Variants in PCDHAC1 observed in about 807,000 individuals in gnomAD.
PCDHAC1 encodes protocadherin alpha subfamily C, 1.
A neutral mutation model predicts 60.0 loss-of-function variants in PCDHAC1; 42 were observed. The ratio of observed to expected loss-of-function variants is 0.70; its 90% confidence interval spans 0.55 to 0.90. The LOEUF (loss-of-function observed/expected upper bound fraction) is 0.90, where lower values mean the gene tolerates loss of function less well. Among genes scored for constraint, PCDHAC1 ranks in the 40% least tolerant of loss-of-function variants. The pLI, the probability that PCDHAC1 is intolerant of heterozygous loss-of-function variation, is 0.00. For synonymous variants in PCDHAC1, 468 were observed against 499.3 expected (o/e 0.94, Z 0.84); for missense variants, 1,160 against 1,222.3 (o/e 0.95, Z 0.76).
intron 1 of PCDHAC1, among the ~76,000 whole-genome samples, chr5:140,943,423 T>C (rs782562871): frequency 5.3e-5 from 8 of 152,080 alleles, no homozygotes; most frequent in Non-Finnish European, 7.4e-5. Context: ...GGCAAGGGCT[T>C]TAATATGATA....
chr5:141,001,693 G>A (rs1554258280), intron 3 of PCDHAC1, among the ~76,000 whole-genome samples: 1 of 152,122 alleles, frequency 6.6e-6, no homozygotes, highest in Admixed American at 6.5e-5. Context: ...CCCACAGATG[G>A]CGAAATAGGG....
At chr5:141,000,412 TATATATA>T (rs1563651366) in intron 3 of PCDHAC1, among the ~76,000 whole-genome samples, 7 of 102,770 alleles carry the variant, frequency 6.8e-5, no homozygotes, top group African/African-American at 2.7e-4. Context: ...TATATATATA[TATATATA>T]TATTTTTTTT....
In PCDHAC1 at chr5:140,926,870, G is replaced by A; in HGVS notation, c.-23G>A. 1 of 1,524,514 alleles carries A rather than the reference G, an allele frequency of 6.6e-7. No individual in the cohort carries two copies. The highest frequency in any genetic ancestry group is 1.3e-5 in the South Asian group (1 of 76,462). 94.4% of individuals were successfully genotyped at this position (1,524,514 alleles called of 1,614,324 possible). A position where few individuals can be genotyped will look rare whatever the true frequency, so the allele number is the denominator to read the frequency against. ...TCACCGTTGGTGTAGCGTGTTGGTG[G>A]AACGTGGACGCCTAGAGGGAGGATG... On this transcript the variant is annotated 5_prime_UTR_variant, in exon 1 of 4. Coordinates refer to ENST00000253807, the MANE Select transcript of PCDHAC1 (RefSeq NM_018898.5).
chr5:140,981,687 A>T (rs1283182396), intron 2 of PCDHAC1, among the ~76,000 whole-genome samples: 1 of 151,972 alleles, frequency 6.6e-6, no homozygotes, highest in Non-Finnish European at 1.5e-5. Flanking sequence ...CCTCCCTTCC[A>T]TCATTCATTC....
Position 140,927,756 on chromosome 5 carries a change from T to G in PCDHAC1, c.864T>G (p.Pro288=), listed in dbSNP as rs782307164. 2 of 1,614,012 alleles carry G rather than the reference T, an allele frequency of 1.2e-6. No homozygotes were observed. Among genetic ancestry groups the G allele is most frequent in the South Asian group, 1.1e-5 (1 of 91,084 alleles). The change falls in exon 1 of 4, where the codon CCT becomes CCG. Residue 288 remains proline, a synonymous_variant. Coordinates refer to ENST00000253807, the MANE Select transcript of PCDHAC1 (RefSeq NM_018898.5). The part of the protein sequence containing the change: ...AELRHRFHVH[P]KSGEVQVAAS... ...TGCGACACCGCTTTCACGTGCACCC[T>G]AAAAGTGGGGAGGTGCAAGTAGCTG...
chr5:141,006,126 G>T (rs1554260581), intron 3 of PCDHAC1, among the ~76,000 whole-genome samples: 1 of 151,330 alleles, frequency 6.6e-6, no homozygotes. Flanking sequence ...TTTTCTCAAG[G>T]CAGTAGAAAG....
chr5:140,954,091 A>G (rs1055518318), intron 1 of PCDHAC1, among the ~76,000 whole-genome samples: 1 of 152,204 alleles, frequency 6.6e-6, no homozygotes, highest in African/African-American at 2.4e-5. Flanking sequence ...AGCTCCATCC[A>G]TGTCCCTGCA....
Position 140,949,361 on chromosome 5 carries a change from G to C in PCDHAC1, c.2433+20036G>C, listed in dbSNP as rs150004166. 4.9e-3 allele frequency among the ~76,000 whole-genome samples: 749 copies of C among 151,546 alleles called. 8 individuals are homozygous for C. The highest frequency in any genetic ancestry group is 0.017 in the African/African-American group (722 of 41,420). On this transcript the variant is annotated intron_variant, in intron 1 of 3. Coordinates refer to ENST00000253807, the MANE Select transcript of PCDHAC1 (RefSeq NM_018898.5). ...AGATTTTCTGTGTCTTTATTTTTTT[G>C]TCTAGTTGTCCTATCAATTGCTCAG...
chr5:140,950,685 A>T (rs947460709), intron 1 of PCDHAC1, among the ~76,000 whole-genome samples: 3 of 152,082 alleles, frequency 2.0e-5, no homozygotes, highest in Non-Finnish European at 4.4e-5. Context: ...GTATATTGTT[A>T]ACCAAATTTG....
chr5:140,936,547 A>G (rs1554211059), intron 1 of PCDHAC1, among the ~76,000 whole-genome samples: 1 of 152,240 alleles, frequency 6.6e-6, no homozygotes, highest in East Asian at 1.9e-4. Context: ...AGTGCAATGT[A>G]GAAGTCAAGA....
chr5:140,941,701 C>T (rs1312324595), intron 1 of PCDHAC1, among the ~76,000 whole-genome samples: 3 of 152,142 alleles, frequency 2.0e-5, no homozygotes, highest in Non-Finnish European at 4.4e-5. Context: ...TTGGGCTTAG[C>T]TTTCCTCCAC....
At chr5:141,001,097 T>TC (rs1554257999) in intron 3 of PCDHAC1, among the ~76,000 whole-genome samples, 1 of 152,114 alleles carries the variant, frequency 6.6e-6, no homozygotes, top group Non-Finnish European at 1.5e-5. Flanking sequence ...AACTGTCTAA[T>TC]CCATAATAAG....
At chr5:140,975,364 C>G (rs2096664243) in intron 1 of PCDHAC1, among the ~76,000 whole-genome samples, 1 of 152,204 alleles carries the variant, frequency 6.6e-6, no homozygotes, top group South Asian at 2.1e-4. Flanking sequence ...TGCTACATAG[C>G]ATAATGTAAT....
chr5:140,933,539 G>A (rs1173969458), intron 1 of PCDHAC1, among the ~76,000 whole-genome samples: 1 of 152,018 alleles, frequency 6.6e-6, no homozygotes, highest in Non-Finnish European at 1.5e-5. Flanking sequence ...TCAAAATAAT[G>A]TTAATATAAA....
At chr5:140,964,262 A>C (rs1327933465) in intron 1 of PCDHAC1, among the ~76,000 whole-genome samples, 1 of 152,206 alleles carries the variant, frequency 6.6e-6, no homozygotes, top group Non-Finnish European at 1.5e-5. Context: ...TTGACTCCTT[A>C]ATAATTAAGG....
intron 1 of PCDHAC1, among the ~76,000 whole-genome samples, chr5:140,931,054 G>A (rs2087273007): frequency 6.6e-6 from 1 of 152,180 alleles, no homozygotes; most frequent in Admixed American, 6.5e-5. Context: ...CTTCAATGCT[G>A]TGTCTGGGAC....
rs2085098556 is a variant in PCDHAC1 at position 140,928,277 on chromosome 5, C to A, written c.1385C>A (p.Ala462Asp). ...GTTGCTGAAAACAATGGCCCTGGGG[C>A]CTCTCTAGGCCGAGTGTTTGCCCAG... Reference protein sequence around the residue: ...LFVAENNGPGASLGRVFAQDP... With the variant: ...LFVAENNGPGDSLGRVFAQDP... The change falls in exon 1 of 4, where the codon GCC becomes GAC. Residue 462 changes from alanine to aspartate, a missense_variant. Ala to Asp is a moderately radical substitution (Grantham distance 126). Around this residue, in one of 3 missense-constraint regions of PCDHAC1, gnomAD observed 1,113 missense variants for 1,163.7 expected, o/e 0.96. Transcript: ENST00000253807. The A allele has an allele frequency of 1.2e-6, 2 of 1,614,156 alleles. No individual in the cohort carries two copies. Among genetic ancestry groups the A allele is most frequent in the South Asian group, 2.2e-5 (2 of 91,084 alleles).
intron 1 of PCDHAC1, chr5:140,967,711 G>C (rs557842321): frequency 6.2e-7 from 1 of 1,614,168 alleles, no homozygotes; most frequent in East Asian, 2.2e-5. Context: ...CCAGTACCGG[G>C]GAAGTGCGAG....
rs782325875 is a variant in PCDHAC1, at chr5:140,979,026, A to T, written c.2492+19A>T. The T allele has an allele frequency of 6.2e-7, 1 of 1,613,490 alleles. No homozygotes were observed. The highest frequency in any genetic ancestry group is 1.1e-5 in the South Asian group (1 of 90,898). On this transcript the variant is annotated intron_variant, in intron 2 of 3. Transcript: ENST00000253807. ...TGCACAGGTATGTATTTCCCTCCTC[A>T]TTCACTCAGAAGTAACCTTAACTTG...
Sources: gnomAD v4.1 joint callset for allele counts (sites outside exome capture counted in the v4.1 genomes callset) on GRCh38, gnomAD v4.1.1 for gene constraint, gnomAD v4.1.1 regional missense constraint, MANE v1.5 for transcripts, NCBI Gene and HGNC (gene_info 2026-07-23, HGNC 2026-07-21) for gene names.